The following WFDC8 variants were observed in gnomAD, a reference collection of about 807,000 sequenced individuals.
WFDC8 encodes the protein WAP four-disulfide core domain 8.
A neutral mutation model predicts 27.0 loss-of-function variants in WFDC8; 24 were observed. The observed-to-expected ratio is 0.89, with a 90% confidence interval of 0.64 to 1.25. The LOEUF is 1.25. Among genes scored for constraint, WFDC8 ranks in the 50% most tolerant of loss-of-function variants. The probability of loss-of-function intolerance (pLI) is 0.00; values close to 1 mark genes in which losing one functional copy is unlikely to be tolerated. For missense variants in WFDC8, 287 were observed against 295.9 expected, an observed-to-expected ratio of 0.97 and a Z score of 0.22; for synonymous variants, 106 against 99.7, an observed-to-expected ratio of 1.06 and a Z score of -0.38.
Position 45,554,116 on chromosome 20 carries a change from C to T in WFDC8, c.446-840G>A, listed in dbSNP as rs1256516690. Among the ~76,000 whole-genome samples, 5 of 152,100 alleles carry T rather than the reference C, an allele frequency of 3.3e-5. No homozygotes were observed. The East Asian group carries it at 7.7e-4, about 23-fold the overall frequency. Reference sequence around the variant, plus strand: ...CCTCCTCAAGTGATCTTCCCAGCCTCCTGAGTAGCTGGGACCATAGGCACG... The same window carrying T: ...CCTCCTCAAGTGATCTTCCCAGCCTTCTGAGTAGCTGGGACCATAGGCACG... On this transcript the variant is annotated intron_variant, in intron 4 of 5. Transcript: ENST00000289953.
intron 1 of WFDC8, chr20:45,568,748 A>G (rs1236835052): frequency 2.0e-6 from 1 of 504,792 alleles, no homozygotes. Flanking sequence ...ATGCATAACC[A>G]GAGAGTTCAA....
intron 1 of WFDC8, among the ~76,000 whole-genome samples, chr20:45,571,685 A>G (rs550172860): frequency 6.6e-6 from 1 of 152,246 alleles, no homozygotes; most frequent in East Asian, 1.9e-4. Flanking sequence ...CTCTACTTCT[A>G]CAAGTTCAAC....
chr20:45,568,401 C>G lies in WFDC8; in HGVS notation c.27-6182G>C, dbSNP rs1366606391. On this transcript the variant is annotated intron_variant, in intron 1 of 5. Transcript: ENST00000289953. ...CACTCTCCTCATGGAGGTTATCTCCCTTTTCACAGAGGTCAATTCAACATC... is the reference window on the plus strand; with the variant it reads ...CACTCTCCTCATGGAGGTTATCTCCGTTTTCACAGAGGTCAATTCAACATC... The G allele has an allele frequency of 1.5e-5, 4 of 258,436 alleles. No individual in the cohort carries two copies. The South Asian group carries it at 1.9e-4, about 12-fold the overall frequency. The allele number at this position is 258,436 out of a possible 1,614,324, so 16.0% of individuals were successfully genotyped here.
At chr20:45,552,407 T>G (rs1317275467) in intron 5 of WFDC8, among the ~76,000 whole-genome samples, 2 of 152,190 alleles carry the variant, frequency 1.3e-5, no homozygotes, top group Non-Finnish European at 2.9e-5. Context: ...TCCTGTCTGC[T>G]CCTACAGAAT....
chr20:45,577,472 C>A (rs1213361352), intron 1 of WFDC8, among the ~76,000 whole-genome samples: 1 of 149,788 alleles, frequency 6.7e-6, no homozygotes. Flanking sequence ...GATCTCGGCT[C>A]GCTGCAACCT....
chr20:45,555,116 T>A (rs1282617485), intron 4 of WFDC8, among the ~76,000 whole-genome samples: 1 of 152,214 alleles, frequency 6.6e-6, no homozygotes, highest in Non-Finnish European at 1.5e-5. Flanking sequence ...AAGAGGGAAC[T>A]GAAATTCAAA....
At chr20:45,576,902 T>C (rs976214328) in intron 1 of WFDC8, among the ~76,000 whole-genome samples, 2 of 151,478 alleles carry the variant, frequency 1.3e-5, no homozygotes, top group Non-Finnish European at 3.0e-5. Flanking sequence ...TAATGACATA[T>C]TTGGATTCAT....
chr20:45,564,656 T>C (rs1980583993), intron 1 of WFDC8, among the ~76,000 whole-genome samples: 2 of 137,112 alleles, frequency 1.5e-5, no homozygotes, highest in Admixed American at 1.5e-4. Flanking sequence ...GCCTGGGCAA[T>C]AGAGAGAGAC....
intron 1 of WFDC8, among the ~76,000 whole-genome samples, chr20:45,575,497 TGAAA>T (rs1460117185): frequency 7.1e-6 from 1 of 141,672 alleles, no homozygotes; most frequent in African/African-American, 2.5e-5. Context: ...AAAATATTAG[TGAAA>T]GAAATTGGAG....
chr20:45,554,405 A>C (rs1980164941), intron 4 of WFDC8, among the ~76,000 whole-genome samples: 1 of 152,126 alleles, frequency 6.6e-6, no homozygotes, highest in Non-Finnish European at 1.5e-5. Context: ...AGTGGATTTT[A>C]GGAGTCAGAT....
chr20:45,558,094 C>T (rs1364899418), intron 3 of WFDC8, among the ~76,000 whole-genome samples: 2 of 152,114 alleles, frequency 1.3e-5, no homozygotes, highest in South Asian at 4.2e-4. Flanking sequence ...ACAGCTTTAT[C>T]CTTAGTCTAT....
At chr20:45,564,790 C>T (rs1980595313) in intron 1 of WFDC8, among the ~76,000 whole-genome samples, 1 of 151,388 alleles carries the variant, frequency 6.6e-6, no homozygotes, top group African/African-American at 2.4e-5. Context: ...TTCAATGAGC[C>T]ATGATCATGC....
chr20:45,579,206 T>A lies in WFDC8; in HGVS notation c.26+16A>T, dbSNP rs757529246. On this transcript the variant is annotated intron_variant, in intron 1 of 5. Coordinates refer to ENST00000289953, the MANE Select transcript of WFDC8 (RefSeq NM_130896.3). ...CTCCATGTCTGGCTACCCACCCCCA[T>A]AGACACCCTCCTCACCCTCCTTCAG... 3 of 1,613,426 alleles carry A rather than the reference T, an allele frequency of 1.9e-6. No individual in the cohort carries two copies. The Admixed American group carries it at 5.0e-5, about 27-fold the overall frequency.
chr20:45,552,239 G>A, intron 5 of WFDC8, 74 bp from the exon 6 acceptor site: 10 of 1,567,928 alleles, frequency 6.4e-6, no homozygotes, highest in South Asian at 5.8e-5. Context: ...AGGAATCTTG[G>A]GAATCTCAAA....
intron 1 of WFDC8, among the ~76,000 whole-genome samples, chr20:45,576,463 G>A (rs1292042862): frequency 2.0e-5 from 3 of 150,888 alleles, no homozygotes; most frequent in Non-Finnish European, 4.4e-5. Context: ...GCAGTGGCAC[G>A]ATCTTGGCTC....
intron 2 of WFDC8, among the ~76,000 whole-genome samples, chr20:45,561,306 C>T (rs762581393): frequency 6.6e-6 from 1 of 152,176 alleles, no homozygotes; most frequent in African/African-American, 2.4e-5. Context: ...TTCCTCCAGA[C>T]TCATCCTCTA....
chr20:45,552,194 C>A, intron 5 of WFDC8, 29 bp from the exon 6 acceptor site: 1 of 1,607,432 alleles, frequency 6.2e-7, no homozygotes, highest in Non-Finnish European at 8.5e-7. Flanking sequence ...AACACTTGAC[C>A]TTGAAATACT....
intron 3 of WFDC8, 45 bp downstream of exon 3, chr20:45,558,807 G>C: frequency 6.2e-7 from 1 of 1,611,224 alleles, no homozygotes; most frequent in Non-Finnish European, 8.5e-7. Context: ...GTTTTGGACA[G>C]AGCAAGAAGT....
intron 1 of WFDC8, among the ~76,000 whole-genome samples, chr20:45,569,943 C>CA (rs1391067592): frequency 6.6e-6 from 1 of 152,128 alleles, no homozygotes; most frequent in East Asian, 1.9e-4. Flanking sequence ...AACAGAAAAC[C>CA]AAATACCGCA....
Sources: allele counts gnomAD v4.1 joint callset (sites outside exome capture counted in the v4.1 genomes callset), GRCh38; gene constraint gnomAD v4.1.1; transcripts MANE v1.5; gene names NCBI Gene and HGNC (gene_info 2026-07-23, HGNC 2026-07-21).